Variants in HYCC2 observed in about 807,000 individuals in gnomAD.
HYCC2 encodes the protein hyccin PI4KA lipid kinase complex subunit 2.
At chr2:201,008,896 C>CT in the HYCC2 span, 3 of 918,250 alleles carry the variant, frequency 3.3e-6, no homozygotes, top group Non-Finnish European at 5.3e-6. Flanking sequence ...GAGTGAGACT[C>CT]TGTCATTCAT....
the HYCC2 span, among the ~76,000 whole-genome samples, chr2:201,024,929 TGA>T: frequency 2.0e-5 from 3 of 151,684 alleles, no homozygotes; most frequent in Admixed American, 2.0e-4. Context: ...GGCAACATGG[TGA>T]GACCCAATAT....
chr2:201,014,698 G>A, the HYCC2 span, among the ~76,000 whole-genome samples: 3 of 152,182 alleles, frequency 2.0e-5, no homozygotes, highest in South Asian at 6.2e-4. Context: ...AAGTAACTAA[G>A]AGAGGAGTGA....
chr2:200,991,749 AAT>A, the HYCC2 span, among the ~76,000 whole-genome samples: 2 of 129,926 alleles, frequency 1.5e-5, no homozygotes, highest in African/African-American at 7.7e-5. Flanking sequence ...ACAAAATAAA[AAT>A]AAAAAATTTA....
At chr2:201,003,226 CT>C in the HYCC2 span, among the ~76,000 whole-genome samples, 1 of 152,146 alleles carries the variant, frequency 6.6e-6, no homozygotes, top group South Asian at 2.1e-4. Context: ...CCACACTCAG[CT>C]ATTTTTTAAG....
chr2:201,027,810 T>C, the HYCC2 span, among the ~76,000 whole-genome samples: 8 of 152,282 alleles, frequency 5.3e-5, no homozygotes, highest in East Asian at 1.5e-3. Flanking sequence ...TGATGGAACA[T>C]AACTCAAAAT....
the HYCC2 span, among the ~76,000 whole-genome samples, chr2:201,067,962 A>G: frequency 6.6e-6 from 1 of 152,202 alleles, no homozygotes; most frequent in Non-Finnish European, 1.5e-5. Flanking sequence ...CATTTCTGGC[A>G]ACTCCAGCTC....
the HYCC2 span, among the ~76,000 whole-genome samples, chr2:201,062,159 A>G: frequency 1.3e-5 from 2 of 152,172 alleles, no homozygotes; most frequent in African/African-American, 4.8e-5. Context: ...GAATACAAAT[A>G]CAAAGGTATA....
chr2:201,039,990 C>A, the HYCC2 span, among the ~76,000 whole-genome samples: 1 of 152,022 alleles, frequency 6.6e-6, no homozygotes, highest in African/African-American at 2.4e-5. Context: ...CTGGCCAACA[C>A]GGTGAAACCC....
the HYCC2 span, among the ~76,000 whole-genome samples, chr2:201,020,595 G>A: frequency 1.3e-5 from 2 of 152,012 alleles, no homozygotes; most frequent in South Asian, 4.1e-4. Flanking sequence ...GAAGAGAGAA[G>A]GAATAATTGC....
chr2:201,011,680 CCA>C, the HYCC2 span, among the ~76,000 whole-genome samples: 4 of 152,212 alleles, frequency 2.6e-5, 1 homozygote, highest in African/African-American at 9.6e-5. Context: ...TCCACAGAAT[CCA>C]CAGAGAGATG....
chr2:201,014,366 C>T, the HYCC2 span, among the ~76,000 whole-genome samples: 13 of 152,154 alleles, frequency 8.5e-5, no homozygotes, highest in Middle Eastern at 3.4e-3. Context: ...AACAATCAGG[C>T]AAGTTAGGAA....
chr2:201,071,096 G>T, the HYCC2 span, among the ~76,000 whole-genome samples: 1 of 152,178 alleles, frequency 6.6e-6, no homozygotes, highest in Non-Finnish European at 1.5e-5. Context: ...AGTTGTTTGG[G>T]TAAATAACAG....
At chr2:201,042,192 G>C in the HYCC2 span, among the ~76,000 whole-genome samples, 1 of 152,230 alleles carries the variant, frequency 6.6e-6, no homozygotes, top group African/African-American at 2.4e-5. Context: ...TCCTGACCGC[G>C]AGTGGTCTGC....
chr2:201,022,642 G>A, the HYCC2 span: 14 of 428,586 alleles, frequency 3.3e-5, no homozygotes, highest in Middle Eastern at 6.3e-4. Flanking sequence ...GAAAAAATTT[G>A]ACCAAAACAT....
At chr2:201,059,312 G>C in the HYCC2 span, among the ~76,000 whole-genome samples, 13 of 152,152 alleles carry the variant, frequency 8.5e-5, no homozygotes, top group African/African-American at 3.1e-4. Context: ...TTCCTGACTT[G>C]TTCAGAATGA....
chr2:201,019,483 TAGC>T, the HYCC2 span, among the ~76,000 whole-genome samples: 64 of 152,286 alleles, frequency 4.2e-4, 1 homozygote, highest in East Asian at 9.1e-3. Context: ...TCAGGTGTGG[TAGC>T]TCACGCCTGT....
chr2:201,060,066 G>C, the HYCC2 span, among the ~76,000 whole-genome samples: 3,400 of 123,652 alleles, frequency 0.027, 223 homozygotes, highest in African/African-American at 0.099. Context: ...GGGGGGGGGG[G>C]GTTCTTCTTA....
At chr2:200,989,649 C>T in the HYCC2 span, among the ~76,000 whole-genome samples, 3 of 151,790 alleles carry the variant, frequency 2.0e-5, no homozygotes, top group African/African-American at 7.3e-5. Flanking sequence ...CTCGTCTCCA[C>T]AAAAAAATAC....
chr2:201,059,545 T>A, the HYCC2 span, among the ~76,000 whole-genome samples: 1 of 152,148 alleles, frequency 6.6e-6, no homozygotes, highest in Non-Finnish European at 1.5e-5. Context: ...GACCTCCTTA[T>A]CTTGACTTTT....
Sources: gnomAD v4.1 joint callset for allele counts (sites outside exome capture counted in the v4.1 genomes callset) on GRCh38, gnomAD v4.1.1 for gene constraint, MANE v1.5 for transcripts, NCBI Gene and HGNC (gene_info 2026-07-23, HGNC 2026-07-21) for gene names.